CA2: variants seen among roughly 807,000 people sequenced by gnomAD.
The protein encoded by CA2 is carbonate dehydratase II.
Under a neutral mutation model 27.8 loss-of-function variants are expected in CA2, and 23 were observed. That is an observed-to-expected ratio of 0.83 (90% CI 0.59 to 1.17). CA2 has a LOEUF of 1.17. Ranked by LOEUF, CA2 falls within the 50% of genes most tolerant of loss-of-function variation. The pLI is 0.00. For synonymous variants in CA2, 99 were observed against 114.9 expected, an observed-to-expected ratio of 0.86 and a Z score of 0.88; for missense variants, 300 against 314.7, an observed-to-expected ratio of 0.95 and a Z score of 0.35.
rs1811882347 is a variant in CA2, at chr8:85,480,902, AC to A, written c.*116del. The A allele has an allele frequency of 9.4e-7, 1 of 1,066,234 alleles. No individual in the cohort carries two copies. The highest frequency in any genetic ancestry group is 2.5e-5 in the East Asian group (1 of 39,834). 66.0% of individuals were successfully genotyped at this position (1,066,234 alleles called of 1,614,324 possible). A position where few individuals can be genotyped will look rare whatever the true frequency, so the allele number is the denominator to read the frequency against. On this transcript the variant is annotated 3_prime_UTR_variant, in exon 7 of 7. Coordinates refer to ENST00000285379, the MANE Select transcript of CA2 (RefSeq NM_000067.3). ...GGTTGCTTTGTGTCTAGTTTTCTAG[AC>A]CCTTCATCTCTTACTTGATAGACTT...
intron 6 of CA2, among the ~76,000 whole-genome samples, chr8:85,479,068 A>T (rs1811848575): frequency 6.6e-6 from 1 of 152,074 alleles, no homozygotes; most frequent in African/African-American, 2.4e-5. Context: ...TACCCCACTG[A>T]GGCTTACAGG....
At chr8:85,477,349 G>A in intron 6 of CA2, 74 bp downstream of exon 6, 1 of 1,543,248 alleles carries the variant, frequency 6.5e-7, no homozygotes, top group East Asian at 2.2e-5. Flanking sequence ...CCTCCAGAGT[G>A]AGAGAGAACT....
intron 2 of CA2, among the ~76,000 whole-genome samples, chr8:85,468,212 C>T (rs117052373): frequency 0.017 from 2,529 of 152,200 alleles, 36 homozygotes; most frequent in Middle Eastern, 0.048. Context: ...ATGTCTTGGA[C>T]GAGAGTCCAG....
chr8:85,474,807 T>G (rs1366058006), intron 4 of CA2, among the ~76,000 whole-genome samples: 1 of 152,148 alleles, frequency 6.6e-6, no homozygotes, highest in Admixed American at 6.5e-5. Flanking sequence ...CCGGTTGAGC[T>G]GCCCTCTAAA....
At chr8:85,473,359 C>G (rs1811737482) in intron 2 of CA2, 1 of 466,988 alleles carries the variant, frequency 2.1e-6, no homozygotes. Context: ...TCTCTCTGGA[C>G]CTGAATCTAT....
rs528881862 is a variant in CA2 at position 85,465,715 on chromosome 8, C to T, written c.232+246C>T. Among the ~76,000 whole-genome samples the T allele has an allele frequency of 1.7e-3, 256 of 152,244 alleles. 6 individuals carry two copies. Among genetic ancestry groups the T allele is most frequent in the Non-Finnish European group, 1.5e-3 (99 of 68,020 alleles). On this transcript the variant is annotated intron_variant, in intron 2 of 6. Coordinates refer to ENST00000285379, the MANE Select transcript of CA2 (RefSeq NM_000067.3). ...TTCTATGAAGGCCATTGAATAACTG[C>T]GATATGCCTGTGAAAAATCACAAAA...
At chr8:85,479,571 A>T (rs1013014083) in intron 6 of CA2, among the ~76,000 whole-genome samples, 1 of 152,060 alleles carries the variant, frequency 6.6e-6, no homozygotes, top group African/African-American at 2.4e-5. Context: ...GAGGGGGGAA[A>T]GTAGCACTTT....
At chr8:85,475,944 C>A in intron 5 of CA2, 84 bp downstream of exon 5, 1 of 1,048,388 alleles carries the variant, frequency 9.5e-7, no homozygotes, top group Non-Finnish European at 1.5e-6. Context: ...GATCAAATTG[C>A]ACAGTCTCAA....
Position 85,479,963 on chromosome 8 carries a change from T to C in CA2, c.664-707T>C, listed in dbSNP as rs1182671124. Among the ~76,000 whole-genome samples, 4 of 152,212 alleles carry C rather than the reference T, an allele frequency of 2.6e-5. No homozygotes were observed. The South Asian group carries it at 8.3e-4, about 32-fold the overall frequency. ...ACTTGATCTAATTGTATGGATGTGG[T>C]AGTTTGTCTTCCCTGGGGCAGAAAA... is the stretch of plus-strand genomic sequence containing the variant. On this transcript the variant is annotated intron_variant, in intron 6 of 6. Coordinates refer to ENST00000285379, the MANE Select transcript of CA2 (RefSeq NM_000067.3).
chr8:85,474,123 A>C (rs1811751221), intron 3 of CA2: 1 of 627,358 alleles, frequency 1.6e-6, no homozygotes, highest in Non-Finnish European at 2.8e-6. Flanking sequence ...TTTGTCTTAG[A>C]GTTATTGATG....
intron 6 of CA2, among the ~76,000 whole-genome samples, chr8:85,478,337 A>G (rs1176523317): frequency 6.6e-6 from 1 of 152,258 alleles, no homozygotes; most frequent in African/African-American, 2.4e-5. Context: ...GGCCTAAAAA[A>G]TAGCATGCTT....
intron 2 of CA2, among the ~76,000 whole-genome samples, chr8:85,469,137 CACTT>C (rs1172883914): frequency 6.6e-6 from 1 of 152,052 alleles, no homozygotes; most frequent in Non-Finnish European, 1.5e-5. Context: ...TTATTTTAGT[CACTT>C]AATTTTAAAA....
At chr8:85,475,360 G>A (rs1470075347) in intron 4 of CA2, among the ~76,000 whole-genome samples, 2 of 91,006 alleles carry the variant, frequency 2.2e-5, no homozygotes, top group Non-Finnish European at 3.8e-5. Context: ...GACAGAGCAA[G>A]ACTCTGACTC....
At chr8:85,477,370 C>A in intron 6 of CA2, 95 bp downstream of exon 6, 2 of 1,332,592 alleles carry the variant, frequency 1.5e-6, no homozygotes, top group South Asian at 1.2e-5. Context: ...GAGATTTAAT[C>A]CTTCTCCTGC....
Position 85,477,111 on chromosome 8 carries a change from T to A in CA2, c.508-9T>A. 1 of 1,614,010 alleles carries A rather than the reference T, an allele frequency of 6.2e-7. No homozygotes were observed. The highest frequency in any genetic ancestry group is 1.1e-5 in the South Asian group (1 of 91,080). On this transcript the variant is annotated splice_polypyrimidine_tract_variant and intron_variant, in intron 5 of 6. Coordinates refer to ENST00000285379, the MANE Select transcript of CA2 (RefSeq NM_000067.3). ...GATAGTTTGAAGCTGCGTATTTGCC[T>A]TGTTCTAGGGCAAGAGTGCTGACTT...
chr8:85,475,912 A>T, intron 5 of CA2, 52 bp downstream of exon 5: 3 of 1,450,348 alleles, frequency 2.1e-6, no homozygotes, highest in Non-Finnish European at 2.9e-6. Flanking sequence ...TCAATACTCC[A>T]TTGGTTTTAG....
At chr8:85,474,030 G>A in intron 3 of CA2, 1 of 607,642 alleles carries the variant, frequency 1.6e-6, no homozygotes, top group Non-Finnish European at 2.9e-6. Context: ...TTTGCAAAAA[G>A]TAAACGGACT....
chr8:85,474,050 G>A (rs1586015170), intron 3 of CA2: 1 of 605,412 alleles, frequency 1.7e-6, no homozygotes, highest in South Asian at 2.0e-5. Flanking sequence ...TCAAACTGGA[G>A]GATCCTGTTT....
At chr8:85,465,831 C>T (rs535298567) in intron 2 of CA2, among the ~76,000 whole-genome samples, 10 of 152,324 alleles carry the variant, frequency 6.6e-5, no homozygotes, top group Admixed American at 2.6e-4. Flanking sequence ...TCTTGCAGAG[C>T]TGATGCATAT....
Sources: gnomAD v4.1 joint callset for allele counts (sites outside exome capture counted in the v4.1 genomes callset) on GRCh38, gnomAD v4.1.1 for gene constraint, MANE v1.5 for transcripts, NCBI Gene and HGNC (gene_info 2026-07-23, HGNC 2026-07-21) for gene names.